Variants in KCNIP4 observed in about 807,000 individuals in gnomAD.
KCNIP4 encodes the protein Kv channel-interacting protein 4.
A neutral mutation model predicts 34.0 loss-of-function variants in KCNIP4; 12 were observed. That is an observed-to-expected ratio of 0.35 (90% confidence interval 0.23 to 0.57). The LOEUF is 0.57. Ranked by LOEUF, KCNIP4 falls within the 20% of genes least tolerant of loss-of-function variation. The pLI is 0.83. For synonymous variants in KCNIP4, 124 were observed against 102.2 expected, an observed-to-expected ratio of 1.21 and a Z score of -1.29; for missense variants, 238 against 311.7, an observed-to-expected ratio of 0.76 and a Z score of 1.78.
chr4:21,773,782 AC>A (rs1560704279), intron 1 of KCNIP4, among the ~76,000 whole-genome samples: 1 of 108,584 alleles, frequency 9.2e-6, no homozygotes, highest in Non-Finnish European at 1.7e-5. Flanking sequence ...TGTTTTGTTT[AC>A]CATTTGCTTC....
At chr4:21,858,094 C>T (rs554137579) in intron 1 of KCNIP4, among the ~76,000 whole-genome samples, 2 of 152,316 alleles carry the variant, frequency 1.3e-5, no homozygotes, top group African/African-American at 4.8e-5. Flanking sequence ...GGACCCCATG[C>T]TCACTCACTC....
chr4:20,838,845 C>A (rs1283535058), intron 3 of KCNIP4, among the ~76,000 whole-genome samples: 2 of 152,162 alleles, frequency 1.3e-5, no homozygotes, highest in African/African-American at 2.4e-5. Flanking sequence ...TACAGAAAAT[C>A]TTGAAGTCTT....
At chr4:21,501,242 TC>T (rs1560464492) in intron 1 of KCNIP4, among the ~76,000 whole-genome samples, 48 of 132,230 alleles carry the variant, frequency 3.6e-4, no homozygotes, top group African/African-American at 1.4e-3. Flanking sequence ...TCTCTCTCTC[TC>T]TCTCTCACAC....
At chr4:21,713,978 C>G (rs1277746865) in intron 1 of KCNIP4, among the ~76,000 whole-genome samples, 1 of 152,154 alleles carries the variant, frequency 6.6e-6, no homozygotes. Context: ...GAGTCCAGCA[C>G]TTCCACTCAA....
At chr4:21,309,402 G>T (rs554411485) in intron 1 of KCNIP4, among the ~76,000 whole-genome samples, 1 of 152,032 alleles carries the variant, frequency 6.6e-6, no homozygotes, top group Non-Finnish European at 1.5e-5. Context: ...ATTTTTCCAT[G>T]AGCTGATTAT....
At chr4:21,221,630 T>C (rs183009820) in intron 1 of KCNIP4, among the ~76,000 whole-genome samples, 24 of 152,240 alleles carry the variant, frequency 1.6e-4, no homozygotes, top group Non-Finnish European at 2.6e-4. Context: ...GTGGAGATTA[T>C]AGGGATTGCA....
chr4:20,959,274 G>A (rs2149656241), intron 1 of KCNIP4, among the ~76,000 whole-genome samples: 1 of 152,308 alleles, frequency 6.6e-6, no homozygotes, highest in East Asian at 1.9e-4. Flanking sequence ...GCCTTTAGCA[G>A]CACGTGTTTA....
intron 1 of KCNIP4, among the ~76,000 whole-genome samples, chr4:21,539,362 G>C (rs1347347483): frequency 1.3e-5 from 2 of 152,064 alleles, no homozygotes. Context: ...CCTTTTGTAA[G>C]AGTGAGAATT....
At chr4:21,651,804 A>G (rs1747500666) in intron 1 of KCNIP4, among the ~76,000 whole-genome samples, 1 of 152,134 alleles carries the variant, frequency 6.6e-6, no homozygotes, top group South Asian at 2.1e-4. Context: ...TAACTTACTA[A>G]GTATTTGAAC....
At chr4:21,210,249 T>C (rs1757128914) in intron 1 of KCNIP4, among the ~76,000 whole-genome samples, 1 of 152,224 alleles carries the variant, frequency 6.6e-6, no homozygotes, top group Non-Finnish European at 1.5e-5. Context: ...ATTTTTCTTT[T>C]ACTATACTTT....
chr4:21,003,897 G>A (rs1473211230), intron 1 of KCNIP4, among the ~76,000 whole-genome samples: 1 of 152,152 alleles, frequency 6.6e-6, no homozygotes, highest in Non-Finnish European at 1.5e-5. Flanking sequence ...ATCGCATGAT[G>A]TGTTTGGGGA....
At chr4:21,109,106 G>T (rs1748881930) in intron 1 of KCNIP4, among the ~76,000 whole-genome samples, 1 of 152,028 alleles carries the variant, frequency 6.6e-6, no homozygotes. Flanking sequence ...GCTGCGTGCT[G>T]GGAGAACCAC....
intron 1 of KCNIP4, among the ~76,000 whole-genome samples, chr4:21,415,876 A>C (rs1367816251): frequency 6.6e-6 from 1 of 152,188 alleles, no homozygotes; most frequent in Non-Finnish European, 1.5e-5. Flanking sequence ...GAGCAGAGTG[A>C]ATGAAGAGGA....
chr4:21,729,468 A>G (rs1316165313), intron 1 of KCNIP4, among the ~76,000 whole-genome samples: 1 of 152,206 alleles, frequency 6.6e-6, no homozygotes, highest in Non-Finnish European at 1.5e-5. Context: ...TTCAGCTAAG[A>G]TGCAAGACTT....
Position 21,139,232 on chromosome 4 carries a change from T to C in KCNIP4, c.62-256523A>G, listed in dbSNP as rs116586717. ...GCAGCCTGAGCTGCCATAGGTGCAT[T>C]ACTCGTTTCAATTATTTGCTTTGTC... On this transcript the variant is annotated intron_variant, in intron 1 of 8. Transcript: ENST00000382152. Among the ~76,000 whole-genome samples, 273 of 152,330 alleles carry C rather than the reference T, an allele frequency of 1.8e-3. 2 individuals are homozygous for C. The highest frequency in any genetic ancestry group is 6.1e-3 in the African/African-American group (254 of 41,566).
At chr4:21,229,455 T>C (rs369004828) in intron 1 of KCNIP4, among the ~76,000 whole-genome samples, 2 of 152,212 alleles carry the variant, frequency 1.3e-5, no homozygotes, top group Admixed American at 1.3e-4. Flanking sequence ...TGTAAGTGTC[T>C]CACACAGTGC....
intron 1 of KCNIP4, among the ~76,000 whole-genome samples, chr4:21,502,593 C>T (rs887833787): frequency 1.3e-5 from 2 of 152,154 alleles, no homozygotes; most frequent in Non-Finnish European, 2.9e-5. Context: ...GAATACACGA[C>T]ACTCCTTCCT....
At chr4:21,739,627 T>C (rs190811692) in intron 1 of KCNIP4, among the ~76,000 whole-genome samples, 22 of 152,184 alleles carry the variant, frequency 1.4e-4, no homozygotes, top group African/African-American at 5.1e-4. Context: ...ACCATTTACT[T>C]TCAAGAAATA....
At chr4:21,898,294 A>T (rs547039799) in intron 1 of KCNIP4, among the ~76,000 whole-genome samples, 1 of 152,226 alleles carries the variant, frequency 6.6e-6, no homozygotes, top group South Asian at 2.1e-4. Context: ...ACCTAGCAAG[A>T]TGCCAGCTAG....
Sources: allele counts gnomAD v4.1 joint callset (sites outside exome capture counted in the v4.1 genomes callset), GRCh38; gene constraint gnomAD v4.1.1; transcripts MANE v1.5; gene names NCBI Gene and HGNC (gene_info 2026-07-23, HGNC 2026-07-21).